Variants in OGG1 observed in about 807,000 individuals in gnomAD.
OGG1 encodes the protein N-glycosylase/DNA lyase.
Under a neutral mutation model 42.3 loss-of-function variants are expected in OGG1, and 35 were observed. The ratio of observed to expected loss-of-function variants is 0.83; its 90% CI spans 0.63 to 1.10. The LOEUF (loss-of-function observed/expected upper bound fraction) is 1.10, where lower values mean the gene tolerates loss of function less well. OGG1 is among the 50% of genes least tolerant of loss of function. The pLI, the probability that OGG1 is intolerant of heterozygous loss-of-function variation, is 0.00. For synonymous variants in OGG1, 189 were observed against 179.0 expected (o/e 1.06, Z -0.44); for missense variants, 484 against 446.7 (o/e 1.08, Z -0.75).
intron 7 of OGG1, among the ~76,000 whole-genome samples, chr3:9,764,838 G>T (rs1168672624): frequency 6.6e-6 from 1 of 151,876 alleles, no homozygotes; most frequent in East Asian, 1.9e-4. Flanking sequence ...CTCCGTGTTG[G>T]TCAGGCGATA....
At chr3:9,780,417 C>T in intron 2 of OGG1, 1 of 1,613,646 alleles carries the variant, frequency 6.2e-7, no homozygotes, top group Non-Finnish European at 8.5e-7. Flanking sequence ...AGGCCTGGTC[C>T]TTTTCTTTCT....
downstream of OGG1, chr3:9,759,392 C>T (rs879772293): frequency 1.2e-4 from 193 of 1,571,704 alleles, no homozygotes; most frequent in Non-Finnish European, 1.6e-4. Context: ...TTACTGTGTG[C>T]CCAGTGTGAT....
chr3:9,778,382 C>CT (rs928012238), intron 2 of OGG1, among the ~76,000 whole-genome samples: 6 of 152,188 alleles, frequency 3.9e-5, no homozygotes, highest in Non-Finnish European at 7.3e-5. Flanking sequence ...CTTCATCTTT[C>CT]TTTTTGCCAA....
At chr3:9,786,971 T>C (rs762694310) in intron 3 of OGG1, 2 of 1,562,698 alleles carry the variant, frequency 1.3e-6, no homozygotes, top group African/African-American at 2.7e-5. Context: ...AAACACAAAG[T>C]AAATATGGTT....
downstream of OGG1, chr3:9,757,505 C>G (rs555476567): frequency 1.2e-6 from 2 of 1,606,416 alleles, no homozygotes; most frequent in African/African-American, 2.7e-5. This position sits in a 1 kb window ranked among gnomAD's most constrained non-coding sequence, Gnocchi z 4.5. Context: ...CCAAGCCCTC[C>G]CACGCAGAGG....
At chr3:9,759,701 G>A (rs367901510), downstream of OGG1, 13 of 1,614,068 alleles carry the variant, frequency 8.1e-6, no homozygotes, top group Middle Eastern at 4.9e-4. Flanking sequence ...GCTCACAGGT[G>A]AATCTTTTCT....
Position 9,750,269 on chromosome 3 carries a change from G to T in OGG1, c.-18G>T, listed in dbSNP as rs1801126. On this transcript the variant is annotated 5_prime_UTR_variant, in exon 1 of 7. Coordinates refer to ENST00000344629, the MANE Select transcript of OGG1 (RefSeq NM_002542.6). ...TCTGGGTAGGCGGGGCTACTACGGG[G>T]CGGTGCCTGCTGTGGAAATGCCTGC... 1.8e-3 allele frequency: 2,847 copies of T among 1,604,704 alleles called. 32 individuals are homozygous for T. The East Asian group carries it at 0.027, about 15-fold the overall frequency.
chr3:9,782,896 G>T (rs554324189), intron 3 of OGG1, among the ~76,000 whole-genome samples: 1 of 152,230 alleles, frequency 6.6e-6, no homozygotes, highest in African/African-American at 2.4e-5. Flanking sequence ...GACTTGTTCG[G>T]GTTGCTTCCC....
intron 2 of OGG1, chr3:9,780,377 G>C: frequency 6.2e-7 from 1 of 1,613,290 alleles, no homozygotes; most frequent in Non-Finnish European, 8.5e-7. Context: ...AGCAGCTTCA[G>C]GATGCTCTCA....
chr3:9,760,340 TAGG>T (rs1239591108), downstream of OGG1: 1 of 282,456 alleles, frequency 3.5e-6, no homozygotes, highest in South Asian at 4.2e-5. Context: ...TGCTTCTTAA[TAGG>T]GGGCACAAAA....
chr3:9,751,770 G>T lies in OGG1; in HGVS notation c.386G>T (p.Gly129Val), dbSNP rs376702077. 1.9e-6 allele frequency: 3 copies of T among 1,614,164 alleles called. No individual in the cohort carries two copies. The highest frequency in any genetic ancestry group is 3.3e-5 in the Admixed American group (2 of 60,028). The change falls in exon 3 of 7, where the codon GGT becomes GTT. Residue 129 changes from glycine to valine, a missense_variant and splice_region_variant. Transcript: ENST00000344629. ...HFQEVAQKFQ[G>V]VRLLRQDPIE... ...TACCCCCTGCATTTCTGGTCTCCAG[G>T]TGTGCGACTGCTGCGACAAGACCCC...
At chr3:9,767,738 T>C, downstream of OGG1, 1 of 1,614,034 alleles carries the variant, frequency 6.2e-7, no homozygotes, top group Non-Finnish European at 8.5e-7. Context: ...GGCCTTCCAC[T>C]GCCCCCAGCA....
In OGG1 at chr3:9,778,942, C is replaced by T. The variant is rs567773242; in HGVS notation, c.295-2571C>T. Among the ~76,000 whole-genome samples, 4 of 152,286 alleles carry T rather than the reference C, an allele frequency of 2.6e-5. No individual in the cohort carries two copies. In the South Asian group the frequency reaches 6.2e-4, roughly 24 times the overall value. The stretch of plus-strand genomic sequence containing the variant: ...TATGGCTCAGTTCATAGGTCACTTC[C>T]TTAGGGAATCTTACCCTCCCTTCTC... On this transcript the variant is annotated intron_variant, in intron 2 of 3. Transcript: ENST00000426518.
At chr3:9,759,195 G>A (rs141273944), downstream of OGG1, 6 of 1,613,442 alleles carry the variant, frequency 3.7e-6, no homozygotes, top group African/African-American at 8.0e-5. Flanking sequence ...AGCTCTGTCA[G>A]GTCATCACCA....
chr3:9,761,692 G>C, downstream of OGG1: 2 of 1,614,086 alleles, frequency 1.2e-6, no homozygotes, highest in East Asian at 4.5e-5. Flanking sequence ...CCATCTTGGA[G>C]AGGCCAAAGT....
chr3:9,765,977 C>A (rs747091571), exon 8 of OGG1: 1 of 1,614,206 alleles, frequency 6.2e-7, no homozygotes, highest in Non-Finnish European at 8.5e-7. Context: ...GTTCTGTGAC[C>A]ACTGCTGGAC....
At chr3:9,779,313 A>G (rs7647579) in intron 2 of OGG1, among the ~76,000 whole-genome samples, 3,257 of 152,250 alleles carry the variant, frequency 0.021, 127 homozygotes, top group African/African-American at 0.073. Context: ...ACATGATGGT[A>G]TCTGGGAAAA....
At position 9,756,634 on chromosome 3, in the gene OGG1, G is replaced by A; in HGVS notation, c.898+13G>A. On this transcript the variant is annotated intron_variant, in intron 5 of 6. Transcript: ENST00000344629. ...AACAAGGAACTGGGTGAGGAAAGTG[G>A]GCTGCAGGGGCTGGCAGTGGGCTGG... 6.2e-7 allele frequency: 1 copy of A among 1,612,520 alleles called. No individual in the cohort carries two copies.
At position 9,756,764 on chromosome 3, in the gene OGG1, T is replaced by C. The variant is rs779790606; in HGVS notation, c.899-3T>C. ...TAACTTAGTCTCATCACTTCTGATT[T>C]AGGAAACTTTTTCCGGAGCCTGTGG... On this transcript the variant is annotated splice_region_variant and splice_polypyrimidine_tract_variant and intron_variant, in intron 5 of 6. Transcript: ENST00000344629. 5.0e-6 allele frequency: 8 copies of C among 1,614,154 alleles called. No homozygotes were observed. In the South Asian group the frequency reaches 8.8e-5, roughly 18 times the overall value.
Sources: gnomAD v4.1 joint callset for allele counts (sites outside exome capture counted in the v4.1 genomes callset) on GRCh38, gnomAD v4.1.1 for gene constraint, Gnocchi (gnomAD v3.1) non-coding constraint, MANE v1.5 for transcripts, NCBI Gene and HGNC (gene_info 2026-07-23, HGNC 2026-07-21) for gene names.